Variants in TBC1D8 observed in about 807,000 individuals in gnomAD.
TBC1D8 encodes TBC1 domain family member 8.
A neutral mutation model predicts 118.8 loss-of-function variants in TBC1D8; 65 were observed. The ratio of observed to expected loss-of-function variants is 0.55; its 90% CI spans 0.45 to 0.67. The LOEUF (loss-of-function observed/expected upper bound fraction) is 0.67, where lower values mean the gene tolerates loss of function less well. Ranked by LOEUF, TBC1D8 falls within the 30% of genes least tolerant of loss-of-function variation. The probability of loss-of-function intolerance (pLI) is 0.00; values close to 1 mark genes in which losing one functional copy is unlikely to be tolerated. For synonymous variants in TBC1D8, 566 were observed against 595.8 expected (o/e 0.95, Z 0.73); for missense variants, 1,376 against 1,471.2 (o/e 0.94, Z 1.06).
intron 17 of TBC1D8, chr2:101,017,744 G>T: frequency 8.6e-7 from 1 of 1,158,864 alleles, no homozygotes; most frequent in Non-Finnish European, 1.2e-6. Flanking sequence ...GCAAGATAGG[G>T]TCAAGTGACA....
At chr2:101,047,094 G>T (rs1573932031) in intron 5 of TBC1D8, among the ~76,000 whole-genome samples, 1 of 152,136 alleles carries the variant, frequency 6.6e-6, no homozygotes, top group South Asian at 2.1e-4. Context: ...TTCCCTCTGT[G>T]GGCAGCTCCT....
chr2:101,046,232 G>T (rs6725064), intron 5 of TBC1D8, among the ~76,000 whole-genome samples: 86,267 of 152,110 alleles, frequency 0.57, 26,033 homozygotes, highest in Middle Eastern at 0.78. Flanking sequence ...TGCAGCCCAC[G>T]GCCACTAGGC....
At position 101,096,419 on chromosome 2, in the gene TBC1D8, C is replaced by CAAAAA. The variant is rs55824667; in HGVS notation, c.128-6060_128-6056dup. On this transcript the variant is annotated intron_variant, in intron 1 of 19. Transcript: ENST00000409318. ...CCAAAATATTATGTCTGGCTTTTGA[C>CAAAAA]AAAAAAAAAAAAAAAAAAAAAAAAA... Among the ~76,000 whole-genome samples, 48 of 43,742 alleles carry CAAAAA rather than the reference C, an allele frequency of 1.1e-3. 9 individuals carry two copies. The highest frequency in any genetic ancestry group is 1.4e-3 in the Non-Finnish European group (33 of 23,804). The allele number at this position is 43,742 out of a possible 152,430, so 28.7% of individuals were successfully genotyped here. A position where few individuals can be genotyped will look rare whatever the true frequency, so the allele number is the denominator to read the frequency against.
chr2:101,135,083 A>G (rs1248622495), intron 1 of TBC1D8, among the ~76,000 whole-genome samples: 1 of 152,170 alleles, frequency 6.6e-6, no homozygotes, highest in Non-Finnish European at 1.5e-5. Flanking sequence ...GAGGCAGGAG[A>G]ATGGCATGAA....
At position 101,009,110 on chromosome 2, in the gene TBC1D8, A is replaced by G. The variant is rs549423010; in HGVS notation, c.3016-837T>C. Among the ~76,000 whole-genome samples, 5 of 151,982 alleles carry G rather than the reference A, an allele frequency of 3.3e-5. No individual in the cohort carries two copies. The South Asian group carries it at 1.0e-3, about 32-fold the overall frequency. On this transcript the variant is annotated intron_variant, in intron 19 of 19. Transcript: ENST00000409318. ...TCCAAGAATAGAAAAATGGTTGGGT[A>G]TGGCCGGGTGCGGTGGCTCATGCCT...
intron 1 of TBC1D8, among the ~76,000 whole-genome samples, chr2:101,097,997 A>C (rs183374802): frequency 7.7e-4 from 117 of 152,356 alleles, no homozygotes; most frequent in Non-Finnish European, 1.4e-3. Flanking sequence ...TTAAGGAAGT[A>C]TAGTTGACAT....
At chr2:101,008,410 C>T (rs1678912117) in intron 19 of TBC1D8, 137 bp from the exon 20 acceptor site, 2 of 713,864 alleles carry the variant, frequency 2.8e-6, no homozygotes, top group South Asian at 4.6e-5. Flanking sequence ...GTAGTCTCTG[C>T]CTTTCCACTC....
intron 2 of TBC1D8, among the ~76,000 whole-genome samples, chr2:101,065,560 G>A (rs575543911): frequency 2.2e-4 from 33 of 152,284 alleles, no homozygotes; most frequent in African/African-American, 7.7e-4. Context: ...TCTGTAAGTC[G>A]AAAGCAGTAT....
chr2:101,132,368 T>C (rs774836463), intron 1 of TBC1D8, among the ~76,000 whole-genome samples: 28 of 152,288 alleles, frequency 1.8e-4, no homozygotes, highest in Non-Finnish European at 3.4e-4. Flanking sequence ...TATATCTGTA[T>C]CTACCCTTCA....
intron 1 of TBC1D8, among the ~76,000 whole-genome samples, chr2:101,137,568 T>C (rs1186332458): frequency 6.6e-6 from 1 of 152,238 alleles, no homozygotes. Context: ...CACCTTGGCC[T>C]CCCAAAGTGC....
At chr2:101,119,320 G>A (rs1228499474) in intron 1 of TBC1D8, among the ~76,000 whole-genome samples, 1 of 151,922 alleles carries the variant, frequency 6.6e-6, no homozygotes, top group East Asian at 1.9e-4. Context: ...GTATCAGTGA[G>A]ATACAAACCA....
At chr2:101,078,894 C>T (rs1351603984) in intron 2 of TBC1D8, among the ~76,000 whole-genome samples, 3 of 151,794 alleles carry the variant, frequency 2.0e-5, no homozygotes, top group African/African-American at 7.3e-5. Flanking sequence ...TTTTTTTGAT[C>T]AGGATCACTA....
intron 10 of TBC1D8, among the ~76,000 whole-genome samples, chr2:101,033,148 C>A (rs866473969): frequency 1.0e-4 from 15 of 148,282 alleles, no homozygotes; most frequent in East Asian, 1.9e-4. Context: ...GACAGAGTCT[C>A]GCTCTGTTGC....
intron 1 of TBC1D8, among the ~76,000 whole-genome samples, chr2:101,121,095 T>C (rs565951967): frequency 2.4e-4 from 37 of 152,072 alleles, no homozygotes; most frequent in African/African-American, 8.9e-4. Flanking sequence ...CGGGCAAACC[T>C]CCCTCTTTTC....
chr2:101,134,197 TCACACACACACACACA>T lies in TBC1D8; in HGVS notation c.127+16914_127+16929del, dbSNP rs59427291. Among the ~76,000 whole-genome samples, 7 of 73,570 alleles carry T rather than the reference TCACACACACACACACA, an allele frequency of 9.5e-5. 1 individual carries two copies. The highest frequency in any genetic ancestry group is 1.1e-4 in the African/African-American group (2 of 18,460). 48.3% of individuals were successfully genotyped at this position (73,570 alleles called of 152,430 possible). ...CTCTCTCTCTCTCTCTCTCTCTCTC[TCACACACACACACACA>T]CACACACACACACACACACACAGAC... On this transcript the variant is annotated intron_variant, in intron 1 of 19. Coordinates refer to ENST00000409318, the MANE Select transcript of TBC1D8 (RefSeq NM_001330348.2).
At chr2:101,033,899 C>T (rs1680834944) in intron 9 of TBC1D8, 141 bp from the exon 10 acceptor site, 2 of 1,008,848 alleles carry the variant, frequency 2.0e-6, no homozygotes, top group Admixed American at 2.8e-5. Context: ...TGCGGTGGCT[C>T]ACGCCTGTAA....
At chr2:101,109,582 T>TGC (rs1677454256) in intron 1 of TBC1D8, among the ~76,000 whole-genome samples, 1 of 152,156 alleles carries the variant, frequency 6.6e-6, no homozygotes, top group Non-Finnish European at 1.5e-5. Flanking sequence ...CAAGGAGGCC[T>TGC]TTGGGCAATA....
intron 1 of TBC1D8, among the ~76,000 whole-genome samples, chr2:101,095,317 T>C (rs1245189946): frequency 6.9e-6 from 1 of 145,084 alleles, no homozygotes; most frequent in African/African-American, 2.5e-5. Context: ...TTGTTACATA[T>C]GTATACATGT....
chr2:101,114,539 C>A (rs1000557012), intron 1 of TBC1D8, among the ~76,000 whole-genome samples: 2 of 152,174 alleles, frequency 1.3e-5, no homozygotes, highest in Admixed American at 1.3e-4. Flanking sequence ...ATCTTGAAAT[C>A]CGATTACTCA....
Sources: gnomAD v4.1 joint callset for allele counts (sites outside exome capture counted in the v4.1 genomes callset) on GRCh38, gnomAD v4.1.1 for gene constraint, MANE v1.5 for transcripts, NCBI Gene and HGNC (gene_info 2026-07-23, HGNC 2026-07-21) for gene names.